TBXAS1: variants seen among roughly 807,000 people sequenced by gnomAD.
TBXAS1 encodes the protein thromboxane A synthase 1, also known as thromboxane-A synthase.
TBXAS1 carries 48 observed loss-of-function variants against 60.7 expected under a neutral mutation model. The ratio of observed to expected loss-of-function variants is 0.79; its 90% CI spans 0.63 to 1.01. The LOEUF (loss-of-function observed/expected upper bound fraction) is 1.01. Ranked by LOEUF, TBXAS1 falls within the 50% of genes least tolerant of loss-of-function variation. The pLI is 0.00. For synonymous variants in TBXAS1, 287 were observed against 269.7 expected (o/e 1.06, Z -0.63); for missense variants, 685 against 686.3 (o/e 1.00, Z 0.02).
intron 7 of TBXAS1, 31 bp from the exon 8 acceptor site, chr7:139,957,603 T>C: frequency 6.2e-7 from 1 of 1,613,842 alleles, no homozygotes; most frequent in South Asian, 1.1e-5. Context: ...TCACCCCCTT[T>C]TCAATGCCAC....
rs73478023 is a variant in TBXAS1 at position 139,820,790 on chromosome 7, G to A, written c.-79-8522G>A. ...CTGGTGTTTTCTACATTCTTCATGC[G>A]CACCCAGCACAGTGCCAGGCACCCT... On this transcript the variant is annotated intron_variant, in intron 4 of 16. Coordinates refer to the TBXAS1 transcript ENST00000336425. 3.1e-3 allele frequency among the ~76,000 whole-genome samples: 474 copies of A among 152,026 alleles called. 1 individual carries two copies. Among genetic ancestry groups the A allele is most frequent in the African/African-American group, 0.011 (441 of 41,442 alleles).
At chr7:139,881,733 G>GA (rs8192814) in intron 3 of TBXAS1, among the ~76,000 whole-genome samples, 58 of 148,906 alleles carry the variant, frequency 3.9e-4, no homozygotes, top group African/African-American at 9.1e-4. Flanking sequence ...GTCCCATACT[G>GA]AAAAAAAAAA....
intron 4 of TBXAS1, among the ~76,000 whole-genome samples, chr7:139,789,780 G>C (rs1451460083): frequency 2.0e-5 from 3 of 151,914 alleles, no homozygotes; most frequent in Non-Finnish European, 4.4e-5. Context: ...ACAGGTGCCT[G>C]CCACCACACC....
At chr7:139,850,294 T>C (rs1390090466) in intron 1 of TBXAS1, among the ~76,000 whole-genome samples, 1 of 152,244 alleles carries the variant, frequency 6.6e-6, no homozygotes, top group African/African-American at 2.4e-5. Flanking sequence ...ATAAAAAAGA[T>C]GTGCTGACTG....
intron 4 of TBXAS1, among the ~76,000 whole-genome samples, chr7:139,798,193 A>G (rs1219214305): frequency 6.6e-6 from 1 of 152,200 alleles, no homozygotes; most frequent in African/African-American, 2.4e-5. Context: ...TGGATGAAGC[A>G]GGCAGCTTGA....
At chr7:139,984,675 AAAAG>A (rs1227825511) in intron 9 of TBXAS1, among the ~76,000 whole-genome samples, 1 of 144,796 alleles carries the variant, frequency 6.9e-6, no homozygotes, top group African/African-American at 2.5e-5. Flanking sequence ...AAGAAAGAAG[AAAAG>A]AAGAAGAAAG....
chr7:139,984,829 GAA>G (rs1170546454), intron 9 of TBXAS1, among the ~76,000 whole-genome samples: 2 of 134,386 alleles, frequency 1.5e-5, no homozygotes, highest in Non-Finnish European at 3.2e-5. Context: ...GAAGAAGAAA[GAA>G]AGAGGAAGGA....
intron 5 of TBXAS1, among the ~76,000 whole-genome samples, chr7:139,942,099 G>A (rs1411040011): frequency 6.6e-6 from 1 of 152,156 alleles, no homozygotes; most frequent in Non-Finnish European, 1.5e-5. Flanking sequence ...TTCAGTGTAA[G>A]CAAGAATAAA....
At chr7:139,956,249 C>T (rs1395365461) in intron 7 of TBXAS1, among the ~76,000 whole-genome samples, 9 of 152,128 alleles carry the variant, frequency 5.9e-5, no homozygotes, top group African/African-American at 1.7e-4. Flanking sequence ...TGGGTTCAAG[C>T]GATTCTCCTG....
intron 1 of TBXAS1, among the ~76,000 whole-genome samples, chr7:139,857,096 T>C (rs1052495668): frequency 5.3e-5 from 8 of 152,108 alleles, no homozygotes; most frequent in African/African-American, 1.7e-4. Context: ...ATTCAGTCAG[T>C]TGGGGGCTTA....
At chr7:139,870,201 A>C (rs138982712) in intron 1 of TBXAS1, among the ~76,000 whole-genome samples, 3 of 152,340 alleles carry the variant, frequency 2.0e-5, no homozygotes, top group Non-Finnish European at 2.9e-5. Flanking sequence ...TAGACACACT[A>C]GCAGTATTTT....
At chr7:139,783,854 G>T (rs1055097276) in intron 3 of TBXAS1, among the ~76,000 whole-genome samples, 1 of 152,120 alleles carries the variant, frequency 6.6e-6, no homozygotes, top group Admixed American at 6.5e-5. Context: ...GTTGCCAGTG[G>T]CTTCTTAGAT....
At chr7:139,927,224 C>G (rs1806961705) in intron 4 of TBXAS1, among the ~76,000 whole-genome samples, 1 of 151,550 alleles carries the variant, frequency 6.6e-6, no homozygotes, top group Non-Finnish European at 1.5e-5. Context: ...TCTCAAACTC[C>G]TGGCCTCAAG....
At chr7:139,979,606 G>T (rs999379255) in intron 9 of TBXAS1, among the ~76,000 whole-genome samples, 1 of 151,616 alleles carries the variant, frequency 6.6e-6, no homozygotes, top group African/African-American at 2.4e-5. Context: ...TGAGCCTGTA[G>T]TCCCAGCTAC....
At chr7:139,811,028 C>T (rs952006752) in intron 4 of TBXAS1, among the ~76,000 whole-genome samples, 2 of 152,146 alleles carry the variant, frequency 1.3e-5, no homozygotes, top group Admixed American at 6.5e-5. Flanking sequence ...TTATTCTATC[C>T]ATACACACAC....
chr7:139,893,461 TG>T, intron 3 of TBXAS1, among the ~76,000 whole-genome samples: 1 of 152,344 alleles, frequency 6.6e-6, no homozygotes, highest in Non-Finnish European at 1.5e-5. Context: ...AATGTTCCTT[TG>T]TCCCTGCAGG....
intron 4 of TBXAS1, among the ~76,000 whole-genome samples, chr7:139,917,421 T>G: frequency 6.6e-6 from 1 of 152,212 alleles, no homozygotes; most frequent in Non-Finnish European, 1.5e-5. Flanking sequence ...CCCTCCAATC[T>G]GAACTGGAAG....
intron 9 of TBXAS1, among the ~76,000 whole-genome samples, chr7:139,987,762 A>T (rs1366307493): frequency 1.3e-5 from 2 of 152,186 alleles, no homozygotes; most frequent in African/African-American, 4.8e-5. Flanking sequence ...TTAGTTCCAG[A>T]CGTTTTTTGT....
intron 1 of TBXAS1, among the ~76,000 whole-genome samples, chr7:139,847,351 T>G (rs1048021572): frequency 6.6e-6 from 1 of 152,008 alleles, no homozygotes; most frequent in Admixed American, 6.5e-5. Context: ...CATCAGTAAA[T>G]AAGCCCCGCT....
Sources: gnomAD v4.1 joint callset for allele counts (sites outside exome capture counted in the v4.1 genomes callset) on GRCh38, gnomAD v4.1.1 for gene constraint, MANE v1.5 for transcripts, NCBI Gene and HGNC (gene_info 2026-07-23, HGNC 2026-07-21) for gene names.